The following ZNF423 variants were observed in gnomAD, a reference collection of about 807,000 sequenced individuals.
ZNF423 encodes zinc finger protein 423.
In ZNF423, 12 loss-of-function variants were observed where a neutral mutation model predicts 95.8. The ratio of observed to expected loss-of-function variants is 0.13; its 90% CI spans 0.08 to 0.20. ZNF423 has a LOEUF of 0.20. Among genes scored for constraint, ZNF423 ranks in the 10% least tolerant of loss-of-function variants. ZNF423 has a pLI of 1.00. For synonymous variants in ZNF423, 749 were observed against 711.9 expected (o/e 1.05, Z -0.83); for missense variants, 1,316 against 1,737.1 (o/e 0.76, Z 4.31).
chr16:49,513,640 T>C (rs1171549561), intron 7 of ZNF423, among the ~76,000 whole-genome samples: 1 of 115,054 alleles, frequency 8.7e-6, no homozygotes, highest in Non-Finnish European at 1.8e-5. Context: ...TGGGGATGGA[T>C]GGATGGATGG....
intron 3 of ZNF423, among the ~76,000 whole-genome samples, chr16:49,672,884 A>G (rs1160416967): frequency 1.3e-5 from 2 of 152,216 alleles, no homozygotes; most frequent in African/African-American, 4.8e-5. Context: ...AGAGTGGAGC[A>G]TCTGTAAATG....
chr16:49,686,796 G>A (rs2031582330), intron 3 of ZNF423, among the ~76,000 whole-genome samples: 1 of 29,770 alleles, frequency 3.4e-5, no homozygotes, highest in African/African-American at 7.1e-5. Flanking sequence ...ACAGATGGAG[G>A]AGCAAGCATG....
At chr16:49,778,704 G>A (rs2034162058) in intron 2 of ZNF423, among the ~76,000 whole-genome samples, 3 of 152,244 alleles carry the variant, frequency 2.0e-5, no homozygotes, top group Admixed American at 2.0e-4. Flanking sequence ...ACGATGTGGG[G>A]AGAAAGGCAG....
At chr16:49,493,837 C>T (rs535984648) in intron 7 of ZNF423, among the ~76,000 whole-genome samples, 8 of 152,304 alleles carry the variant, frequency 5.3e-5, no homozygotes, top group African/African-American at 1.7e-4. Flanking sequence ...GCGATGCAGG[C>T]ACAGGTCCCA....
chr16:49,659,137 G>A (rs1054303449), intron 3 of ZNF423, among the ~76,000 whole-genome samples: 11 of 152,244 alleles, frequency 7.2e-5, no homozygotes, highest in Non-Finnish European at 1.6e-4. Flanking sequence ...CGCCCAGGCT[G>A]CAGTGCAGTG....
At chr16:49,644,483 T>C (rs1973096480) in intron 3 of ZNF423, among the ~76,000 whole-genome samples, 1 of 146,248 alleles carries the variant, frequency 6.8e-6, no homozygotes, top group Non-Finnish European at 1.5e-5. Flanking sequence ...AGCAAGACCC[T>C]GTCTCTTAAA....
intron 1 of ZNF423, chr16:49,854,867 C>T (rs1379067136): frequency 1.0e-6 from 1 of 985,238 alleles, no homozygotes; most frequent in Admixed American, 6.1e-5. Context: ...CCCACAAACG[C>T]GCGCACCCCG....
At chr16:49,645,105 C>T (rs1450357531) in intron 3 of ZNF423, among the ~76,000 whole-genome samples, 1 of 152,200 alleles carries the variant, frequency 6.6e-6, no homozygotes, top group East Asian at 1.9e-4. Context: ...CAAAAAGACT[C>T]CTTGCCACTC....
intron 3 of ZNF423, among the ~76,000 whole-genome samples, chr16:49,669,958 C>T (rs890139619): frequency 2.6e-5 from 4 of 152,336 alleles, no homozygotes; most frequent in Admixed American, 6.5e-5. Context: ...TTGCCACACA[C>T]GGGATTATTG....
At chr16:49,663,003 T>C (rs541874618) in intron 3 of ZNF423, among the ~76,000 whole-genome samples, 2 of 152,206 alleles carry the variant, frequency 1.3e-5, no homozygotes, top group South Asian at 4.2e-4. Flanking sequence ...TCTCTCAACC[T>C]CTCTGGTCTT....
At chr16:49,677,334 AGGGGAGGG>A (rs2031144294) in intron 3 of ZNF423, among the ~76,000 whole-genome samples, 3 of 37,516 alleles carry the variant, frequency 8.0e-5, no homozygotes, top group Admixed American at 3.9e-4. Flanking sequence ...AGGGGAGGGG[AGGGGAGGG>A]GAGGAGGGGA....
At chr16:49,555,760 A>G (rs1331941163) in intron 5 of ZNF423, among the ~76,000 whole-genome samples, 1 of 152,174 alleles carries the variant, frequency 6.6e-6, no homozygotes, top group East Asian at 1.9e-4. Context: ...GGGTGAATAA[A>G]TAAATGGATG....
intron 3 of ZNF423, among the ~76,000 whole-genome samples, chr16:49,646,354 G>A (rs1973167583): frequency 2.0e-5 from 3 of 152,076 alleles, no homozygotes; most frequent in East Asian, 1.9e-4. Flanking sequence ...GAAACCAGGG[G>A]TACTTGCACA....
chr16:49,781,614 G>A (rs1442773829), intron 2 of ZNF423, among the ~76,000 whole-genome samples: 11 of 152,180 alleles, frequency 7.2e-5, no homozygotes, highest in African/African-American at 2.7e-4. Flanking sequence ...AGGCAGCTCC[G>A]CGTGGTTCAG....
In ZNF423 at chr16:49,635,560, G is replaced by A. The variant is rs1331057127; in HGVS notation, c.3516+100C>T. On this transcript the variant is annotated intron_variant, in intron 4 of 7. Coordinates refer to ENST00000563137, the MANE Select transcript of ZNF423 (RefSeq NM_001379286.1). This position sits in a 1 kb window ranked among gnomAD's most constrained non-coding sequence, Gnocchi z 4.8. Reference sequence around the variant, plus strand: ...TGTTTTGCCACTGCGCGATAGCGCCGCTTCTTGGAAACACGGCACTCAGGG... The same window carrying A: ...TGTTTTGCCACTGCGCGATAGCGCCACTTCTTGGAAACACGGCACTCAGGG... The A allele has an allele frequency of 2.2e-5, 32 of 1,450,052 alleles. No individual in the cohort carries two copies. The highest frequency in any genetic ancestry group is 7.8e-5 in the Admixed American group (3 of 38,264). The allele number at this position is 1,450,052 out of a possible 1,614,324, so 89.8% of individuals were successfully genotyped here. A position where few individuals can be genotyped will look rare whatever the true frequency, so the allele number is the denominator to read the frequency against.
chr16:49,656,292 C>T (rs943571586), intron 3 of ZNF423, among the ~76,000 whole-genome samples: 23 of 152,090 alleles, frequency 1.5e-4, no homozygotes, highest in Non-Finnish European at 1.0e-4. Context: ...GGGTGGATCA[C>T]CTGAGGTCAG....
At chr16:49,786,443 G>A (rs1296180582) in intron 2 of ZNF423, among the ~76,000 whole-genome samples, 3 of 152,214 alleles carry the variant, frequency 2.0e-5, no homozygotes, top group Non-Finnish European at 4.4e-5. Flanking sequence ...TTGCGCTCTG[G>A]GCCAAGAGGG....
chr16:49,844,552 C>T (rs1364549382), intron 1 of ZNF423, among the ~76,000 whole-genome samples: 2 of 152,198 alleles, frequency 1.3e-5, no homozygotes, highest in African/African-American at 4.8e-5. Context: ...TCACGGTGAA[C>T]CCAAGTCCTG....
chr16:49,801,821 T>C (rs1466767958), intron 1 of ZNF423, among the ~76,000 whole-genome samples: 1 of 152,134 alleles, frequency 6.6e-6, no homozygotes, highest in Non-Finnish European at 1.5e-5. Context: ...TCAAAAGTCA[T>C]GGAGCTAGGA....
Sources: gnomAD v4.1 joint callset for allele counts (sites outside exome capture counted in the v4.1 genomes callset) on GRCh38, gnomAD v4.1.1 for gene constraint, Gnocchi (gnomAD v3.1) non-coding constraint, MANE v1.5 for transcripts, NCBI Gene and HGNC (gene_info 2026-07-23, HGNC 2026-07-21) for gene names.